HSD17B3: variants seen among roughly 807,000 people sequenced by gnomAD.
HSD17B3 encodes 17-beta-hydroxysteroid dehydrogenase type 3.
A neutral mutation model predicts 41.1 loss-of-function variants in HSD17B3; 29 were observed. The observed-to-expected ratio is 0.71, with a 90% CI of 0.53 to 0.96. The LOEUF is 0.96. Among genes scored for constraint, HSD17B3 ranks in the 40% least tolerant of loss-of-function variants. The pLI is 0.00. For synonymous variants in HSD17B3, 126 were observed against 145.6 expected, an observed-to-expected ratio of 0.87 and a Z score of 0.97; for missense variants, 323 against 374.6, an observed-to-expected ratio of 0.86 and a Z score of 1.14.
chr9:96,237,304 G>T (rs1245396040), intron 10 of HSD17B3, among the ~76,000 whole-genome samples: 5 of 152,186 alleles, frequency 3.3e-5, no homozygotes, highest in African/African-American at 1.2e-4. Flanking sequence ...GAAGGGCCAT[G>T]TAGGAGCCAG....
chr9:96,266,176 GA>G (rs1159236985), intron 2 of HSD17B3, among the ~76,000 whole-genome samples: 25 of 152,194 alleles, frequency 1.6e-4, no homozygotes, highest in Admixed American at 1.6e-3. Context: ...GCTGCCTATT[GA>G]AATCCTTTTA....
intron 1 of HSD17B3, among the ~76,000 whole-genome samples, chr9:96,301,079 C>T (rs893674128): frequency 6.6e-6 from 1 of 152,140 alleles, no homozygotes; most frequent in Non-Finnish European, 1.5e-5. Context: ...GAAGAAAACT[C>T]ATCTAATGGG....
At chr9:96,242,335 G>T (rs1361156218) in intron 9 of HSD17B3, among the ~76,000 whole-genome samples, 2 of 152,084 alleles carry the variant, frequency 1.3e-5, no homozygotes, top group African/African-American at 4.8e-5. Flanking sequence ...ACAAAATAGG[G>T]GCTCAATAAA....
At chr9:96,263,192 C>A (rs961552802) in intron 2 of HSD17B3, among the ~76,000 whole-genome samples, 2 of 152,162 alleles carry the variant, frequency 1.3e-5, no homozygotes, top group African/African-American at 4.8e-5. Flanking sequence ...TCTTCCAGGG[C>A]TGAAACTAGG....
chr9:96,280,120 G>A (rs748568136), intron 2 of HSD17B3, among the ~76,000 whole-genome samples: 26 of 152,126 alleles, frequency 1.7e-4, no homozygotes, highest in Admixed American at 1.2e-3. Context: ...GCTCAGCTGT[G>A]CCTGAATTCC....
rs146216429 is a variant in HSD17B3 at position 96,244,337 on chromosome 9, T to C, written c.664A>G (p.Ile222Val). The C allele has an allele frequency of 1.3e-5, 21 of 1,614,092 alleles. No homozygotes were observed. In the African/African-American group the frequency reaches 2.3e-4, roughly 17 times the overall value. ...ACAGCTGCCCACCTCACCTGGATGA[T>C]GACTTCTTTTGCTTTATATTCCTCT... Reference protein sequence around the residue: ...LQEEYKAKEVIIQVLTPYAVS... With the variant: ...LQEEYKAKEVVIQVLTPYAVS... Residue 222 changes from isoleucine (I) to valine (V), a missense_variant, in exon 9 of 11, where the codon ATC becomes GTC. Ile to Val is a conservative substitution (Grantham distance 29). Coordinates refer to ENST00000375263, the MANE Select transcript of HSD17B3 (RefSeq NM_000197.2).
intron 2 of HSD17B3, among the ~76,000 whole-genome samples, chr9:96,275,815 A>G (rs1298040170): frequency 1.3e-5 from 2 of 152,162 alleles, no homozygotes; most frequent in African/African-American, 4.8e-5. Context: ...ATAAAGGAAA[A>G]CAGCAAAAGA....
intron 5 of HSD17B3, chr9:96,250,504 G>A: frequency 9.6e-7 from 1 of 1,046,454 alleles, no homozygotes. Context: ...GTGGGGAATG[G>A]AAGCATGAGA....
chr9:96,269,080 C>T (rs1485902680), intron 2 of HSD17B3, among the ~76,000 whole-genome samples: 2 of 152,198 alleles, frequency 1.3e-5, no homozygotes, highest in South Asian at 4.1e-4. Flanking sequence ...CTTACACACA[C>T]CTAGAGGGTG....
intron 2 of HSD17B3, among the ~76,000 whole-genome samples, chr9:96,267,885 G>T (rs1047451268): frequency 2.0e-5 from 3 of 151,954 alleles, no homozygotes; most frequent in Non-Finnish European, 2.9e-5. Flanking sequence ...CCCTAGCTGT[G>T]CCCCCACAGC....
Position 96,291,476 on chromosome 9 carries a change from A to G in HSD17B3, c.201+6940T>C, listed in dbSNP as rs183591932. Among the ~76,000 whole-genome samples the G allele has an allele frequency of 1.2e-4, 18 of 152,234 alleles. No homozygotes were observed. The East Asian group carries it at 3.5e-3, about 29-fold the overall frequency. ...CACAGCAATGTCAGTATGGACCAAT[A>G]TAAACCAAAGATTTAAATAAGATCC... is the stretch of plus-strand genomic sequence containing the variant. On this transcript the variant is annotated intron_variant, in intron 2 of 10. Transcript: ENST00000375263.
chr9:96,248,221 A>G (rs943767282), intron 6 of HSD17B3, among the ~76,000 whole-genome samples: 2 of 152,192 alleles, frequency 1.3e-5, no homozygotes, highest in African/African-American at 4.8e-5. Context: ...GGGCTCCAAA[A>G]AGCCATCAAT....
chr9:96,272,806 A>C (rs531944195), intron 2 of HSD17B3, among the ~76,000 whole-genome samples: 1 of 152,304 alleles, frequency 6.6e-6, no homozygotes, highest in Admixed American at 6.5e-5. Flanking sequence ...AACTGGAAAT[A>C]GCCGGGATGT....
At chr9:96,281,939 T>C (rs1351671967) in intron 2 of HSD17B3, among the ~76,000 whole-genome samples, 1 of 152,210 alleles carries the variant, frequency 6.6e-6, no homozygotes, top group Non-Finnish European at 1.5e-5. Context: ...GCTTGTCTCC[T>C]CTGTAAAGTT....
chr9:96,267,010 C>T (rs1265486292), intron 2 of HSD17B3, among the ~76,000 whole-genome samples: 1 of 152,156 alleles, frequency 6.6e-6, no homozygotes, highest in African/African-American at 2.4e-5. Context: ...ACAAGACCCA[C>T]TCAACACAAG....
intron 2 of HSD17B3, among the ~76,000 whole-genome samples, chr9:96,261,266 GCTCA>G (rs1825847395): frequency 6.6e-6 from 1 of 152,104 alleles, no homozygotes; most frequent in Admixed American, 6.5e-5. Context: ...CATGATGTTG[GCTCA>G]CTGCAACCTC....
intron 2 of HSD17B3, among the ~76,000 whole-genome samples, chr9:96,287,951 G>A (rs116103012): frequency 2.0e-5 from 3 of 151,178 alleles, no homozygotes; most frequent in African/African-American, 7.3e-5. Flanking sequence ...TCCATACAAT[G>A]GAATATTATT....
chr9:96,289,791 C>T (rs1375796522), intron 2 of HSD17B3, among the ~76,000 whole-genome samples: 2 of 152,020 alleles, frequency 1.3e-5, no homozygotes, highest in African/African-American at 4.8e-5. Context: ...TCCAGAATGT[C>T]CAGGCTGACA....
chr9:96,253,204 G>A (rs1433849792), intron 3 of HSD17B3, among the ~76,000 whole-genome samples: 2 of 152,150 alleles, frequency 1.3e-5, no homozygotes, highest in African/African-American at 4.8e-5. Flanking sequence ...GGGTTACAGG[G>A]AAACTTGCCA....
Sources: allele counts gnomAD v4.1 joint callset (sites outside exome capture counted in the v4.1 genomes callset), GRCh38; gene constraint gnomAD v4.1.1; transcripts MANE v1.5; gene names NCBI Gene and HGNC (gene_info 2026-07-23, HGNC 2026-07-21).